Variants in KCNAB1 observed in about 807,000 individuals in gnomAD.
The protein encoded by KCNAB1 is potassium voltage-gated channel subfamily A regulatory beta subunit 1, also known as voltage-gated potassium channel subunit beta-1.
KCNAB1 carries 35 observed loss-of-function variants against 64.6 expected under a neutral mutation model. The ratio of observed to expected loss-of-function variants is 0.54; its 90% confidence interval spans 0.41 to 0.72. KCNAB1 has a LOEUF of 0.72. Among genes scored for constraint, KCNAB1 ranks in the 30% least tolerant of loss-of-function variants. The pLI, the probability that KCNAB1 is intolerant of heterozygous loss-of-function variation, is 0.00. For missense variants in KCNAB1, 401 were observed against 512.9 expected, an observed-to-expected ratio of 0.78 and a Z score of 2.11; for synonymous variants, 177 against 183.8, an observed-to-expected ratio of 0.96 and a Z score of 0.30.
intron 1 of KCNAB1, among the ~76,000 whole-genome samples, chr3:156,357,351 A>G (rs112095479): frequency 4.5e-4 from 69 of 152,364 alleles, no homozygotes; most frequent in Non-Finnish European, 8.1e-4. Flanking sequence ...AAAGGAAGTC[A>G]TAATTTTTGA....
At chr3:156,220,436 T>A (rs907235739) in intron 1 of KCNAB1, among the ~76,000 whole-genome samples, 1 of 152,250 alleles carries the variant, frequency 6.6e-6, no homozygotes, top group Non-Finnish European at 1.5e-5. Context: ...GGCATCTCAT[T>A]GTGGTTTTGA....
At chr3:156,209,380 T>C (rs1714874806) in intron 1 of KCNAB1, among the ~76,000 whole-genome samples, 1 of 152,222 alleles carries the variant, frequency 6.6e-6, no homozygotes, top group African/African-American at 2.4e-5. Context: ...GAGAATGCTC[T>C]CCTTTAGGGG....
intron 2 of KCNAB1, among the ~76,000 whole-genome samples, chr3:156,449,185 T>A (rs1576881619): frequency 6.6e-6 from 1 of 152,306 alleles, no homozygotes; most frequent in East Asian, 1.9e-4. Context: ...TTATATTAAA[T>A]TTTAAAAACA....
chr3:156,401,977 A>G (rs564381082), intron 1 of KCNAB1, among the ~76,000 whole-genome samples: 2 of 152,210 alleles, frequency 1.3e-5, no homozygotes, highest in South Asian at 2.1e-4. Flanking sequence ...AGGGCGGGGA[A>G]CATTTCACAC....
At chr3:156,224,741 A>G (rs987706811) in intron 1 of KCNAB1, among the ~76,000 whole-genome samples, 26 of 152,350 alleles carry the variant, frequency 1.7e-4, no homozygotes, top group African/African-American at 6.0e-4. Flanking sequence ...AATGGGGTAT[A>G]TTACAACTCA....
chr3:156,468,767 C>T (rs905813511), intron 7 of KCNAB1, among the ~76,000 whole-genome samples: 1 of 152,196 alleles, frequency 6.6e-6, no homozygotes, highest in Non-Finnish European at 1.5e-5. Context: ...TCTGAAACAG[C>T]TACAATAAGT....
chr3:156,233,966 A>G (rs1170239845), intron 1 of KCNAB1, among the ~76,000 whole-genome samples: 1 of 151,918 alleles, frequency 6.6e-6, no homozygotes, highest in Non-Finnish European at 1.5e-5. Context: ...ACCCAAGCAG[A>G]GACATCACAT....
chr3:156,218,807 T>TAAA lies in KCNAB1; in HGVS notation c.275+97923_275+97924insAAA, dbSNP rs1301876037. 7.7e-3 allele frequency among the ~76,000 whole-genome samples: 1,001 copies of TAAA among 130,544 alleles called. 15 individuals carry two copies. Among genetic ancestry groups the TAAA allele is most frequent in the African/African-American group, 0.027 (952 of 35,038 alleles). The allele number at this position is 130,544 out of a possible 152,430, so 85.6% of individuals were successfully genotyped here. A position where few individuals can be genotyped will look rare whatever the true frequency, so the allele number is the denominator to read the frequency against. On this transcript the variant is annotated intron_variant, in intron 1 of 13. Transcript: ENST00000490337. ...ACAGCAAAAAAAAAAAAAAAAATAA[T>TAAA]AATAAAATAAAATAAAAATAAATAA...
intron 8 of KCNAB1, among the ~76,000 whole-genome samples, chr3:156,480,071 ACC>A (rs932173329): frequency 1.3e-5 from 2 of 152,154 alleles, no homozygotes; most frequent in African/African-American, 2.4e-5. Context: ...AAAATACTGG[ACC>A]TAGATATTTA....
intron 1 of KCNAB1, among the ~76,000 whole-genome samples, chr3:156,382,830 G>C (rs1436379412): frequency 6.6e-6 from 1 of 152,174 alleles, no homozygotes; most frequent in East Asian, 1.9e-4. Context: ...AGAGCACCCT[G>C]CCTACCTGCA....
At chr3:156,179,376 A>G (rs1290540673) in intron 1 of KCNAB1, among the ~76,000 whole-genome samples, 1 of 152,136 alleles carries the variant, frequency 6.6e-6, no homozygotes, top group East Asian at 1.9e-4. Context: ...ATAAAATTAA[A>G]AACAATTTAA....
At chr3:156,493,902 A>G (rs1287919568) in intron 8 of KCNAB1, among the ~76,000 whole-genome samples, 2 of 152,116 alleles carry the variant, frequency 1.3e-5, no homozygotes, top group Non-Finnish European at 2.9e-5. Context: ...CAGAATGTCT[A>G]GTTTTCCCAT....
intron 1 of KCNAB1, among the ~76,000 whole-genome samples, chr3:156,334,384 T>C (rs555475089): frequency 1.3e-5 from 2 of 152,188 alleles, no homozygotes; most frequent in African/African-American, 2.4e-5. Context: ...CATCAAGGAG[T>C]TGGATGAAGG....
At chr3:156,340,978 T>C (rs1386430604) in intron 1 of KCNAB1, among the ~76,000 whole-genome samples, 1 of 152,238 alleles carries the variant, frequency 6.6e-6, no homozygotes, top group Non-Finnish European at 1.5e-5. Context: ...TAGAGAAATA[T>C]TGGTTTTATC....
intron 1 of KCNAB1, among the ~76,000 whole-genome samples, chr3:156,203,004 T>A (rs1714438111): frequency 1.3e-5 from 2 of 152,140 alleles, no homozygotes; most frequent in African/African-American, 4.8e-5. Flanking sequence ...TTAAAGTTTT[T>A]AGATTATCTT....
chr3:156,501,623 G>T (rs1489376038), intron 8 of KCNAB1, among the ~76,000 whole-genome samples: 1 of 151,474 alleles, frequency 6.6e-6, no homozygotes, highest in Non-Finnish European at 1.5e-5. Flanking sequence ...GTAGAGACGG[G>T]GTTTCACCAT....
chr3:156,135,426 C>T, intron 1 of KCNAB1, among the ~76,000 whole-genome samples: 1 of 152,208 alleles, frequency 6.6e-6, no homozygotes, highest in Middle Eastern at 3.2e-3. Context: ...GCCCATGCTC[C>T]TGGAAACTTG....
intron 1 of KCNAB1, among the ~76,000 whole-genome samples, chr3:156,373,349 C>T (rs374957319): frequency 6.6e-6 from 1 of 152,182 alleles, no homozygotes; most frequent in African/African-American, 2.4e-5. Context: ...TTTAATCACT[C>T]TTATTGCAGC....
At chr3:156,348,479 G>T (rs1481532578) in intron 1 of KCNAB1, among the ~76,000 whole-genome samples, 1 of 152,154 alleles carries the variant, frequency 6.6e-6, no homozygotes, top group Non-Finnish European at 1.5e-5. Context: ...TGAGAACCAG[G>T]ACTCCTCCCA....
Sources: allele counts gnomAD v4.1 joint callset (sites outside exome capture counted in the v4.1 genomes callset), GRCh38; gene constraint gnomAD v4.1.1; transcripts MANE v1.5; gene names NCBI Gene and HGNC (gene_info 2026-07-23, HGNC 2026-07-21).